CYRIA: variants seen among roughly 807,000 people sequenced by gnomAD.
The protein encoded by CYRIA is CYFIP related Rac1 interactor A.
A neutral mutation model predicts 43.9 loss-of-function variants in CYRIA; 15 were observed. The ratio of observed to expected loss-of-function variants is 0.34; its 90% CI spans 0.23 to 0.53. The LOEUF (loss-of-function observed/expected upper bound fraction) is 0.53. Among genes scored for constraint, CYRIA ranks in the 20% least tolerant of loss-of-function variants. The pLI, the probability that CYRIA is intolerant of heterozygous loss-of-function variation, is 0.94. For missense variants in CYRIA, 236 were observed against 394.2 expected, an observed-to-expected ratio of 0.60 and a Z score of 3.40; for synonymous variants, 117 against 136.0, an observed-to-expected ratio of 0.86 and a Z score of 0.97.
At chr2:16,577,923 C>T (rs1408267040) in intron 3 of CYRIA, among the ~76,000 whole-genome samples, 1 of 152,166 alleles carries the variant, frequency 6.6e-6, no homozygotes, top group Non-Finnish European at 1.5e-5. Context: ...GGGAAGGTGC[C>T]CTCTAGGGCC....
chr2:16,613,974 T>G (rs902211906), intron 2 of CYRIA, among the ~76,000 whole-genome samples: 2 of 152,198 alleles, frequency 1.3e-5, no homozygotes, highest in African/African-American at 4.8e-5. Context: ...CTCCAGCCCC[T>G]TCAACTAGTT....
chr2:16,604,450 C>T (rs1351634007), intron 2 of CYRIA, among the ~76,000 whole-genome samples: 1 of 152,162 alleles, frequency 6.6e-6, no homozygotes, highest in East Asian at 1.9e-4. Context: ...AGGAAGGGGC[C>T]CAGCCCTGAC....
chr2:16,593,716 G>GTTTTT (rs1668012009), intron 2 of CYRIA, among the ~76,000 whole-genome samples: 3 of 87,150 alleles, frequency 3.4e-5, no homozygotes, highest in African/African-American at 7.9e-5. Flanking sequence ...TTGTGTGTGT[G>GTTTTT]TGTTTTTTTT....
intron 2 of CYRIA, among the ~76,000 whole-genome samples, chr2:16,600,265 C>T (rs926784140): frequency 6.6e-6 from 1 of 152,240 alleles, no homozygotes; most frequent in African/African-American, 2.4e-5. Flanking sequence ...TGGCTGCCCA[C>T]TCCAGTCCTA....
chr2:16,642,517 C>A (rs1669704395), intron 1 of CYRIA, among the ~76,000 whole-genome samples: 1 of 152,182 alleles, frequency 6.6e-6, no homozygotes, highest in Non-Finnish European at 1.5e-5. Flanking sequence ...CAGTTCCACC[C>A]CTGACACCCT....
At chr2:16,635,838 C>T (rs768436556) in intron 1 of CYRIA, among the ~76,000 whole-genome samples, 7 of 152,214 alleles carry the variant, frequency 4.6e-5, no homozygotes, top group Non-Finnish European at 8.8e-5. Flanking sequence ...CAAAAACACA[C>T]AGCAGGCAAC....
intron 1 of CYRIA, among the ~76,000 whole-genome samples, chr2:16,659,996 C>T (rs1471088108): frequency 6.6e-6 from 1 of 152,020 alleles, no homozygotes; most frequent in Admixed American, 6.6e-5. Flanking sequence ...GATGCTCAGC[C>T]AGAAAGTGGC....
intron 2 of CYRIA, among the ~76,000 whole-genome samples, chr2:16,598,981 A>G (rs369100360): frequency 1.3e-3 from 68 of 52,868 alleles, no homozygotes; most frequent in East Asian, 5.3e-3. Flanking sequence ...GTCTGTTGGA[A>G]TACCCTGCCG....
intron 1 of CYRIA, among the ~76,000 whole-genome samples, chr2:16,659,992 C>T (rs557275775): frequency 6.6e-6 from 1 of 152,096 alleles, no homozygotes; most frequent in Non-Finnish European, 1.5e-5. Flanking sequence ...TCAGGATGCT[C>T]AGCCAGAAAG....
intron 2 of CYRIA, among the ~76,000 whole-genome samples, chr2:16,615,418 T>C (rs985037352): frequency 6.6e-6 from 1 of 152,198 alleles, no homozygotes; most frequent in Non-Finnish European, 1.5e-5. Context: ...TTAGTTCCAC[T>C]TGCACAAATG....
intron 2 of CYRIA, among the ~76,000 whole-genome samples, chr2:16,612,908 C>G (rs181558511): frequency 1.3e-5 from 2 of 152,174 alleles, no homozygotes; most frequent in African/African-American, 2.4e-5. Flanking sequence ...CACTTCCCCC[C>G]CATACTGTTC....
At chr2:16,582,696 AT>A (rs1448604666) in intron 3 of CYRIA, among the ~76,000 whole-genome samples, 3 of 152,114 alleles carry the variant, frequency 2.0e-5, no homozygotes, top group African/African-American at 7.2e-5. Flanking sequence ...TCAGTACTTC[AT>A]TTTTTTAATT....
At chr2:16,651,587 G>A (rs1669978228) in intron 1 of CYRIA, among the ~76,000 whole-genome samples, 1 of 152,158 alleles carries the variant, frequency 6.6e-6, no homozygotes, top group Non-Finnish European at 1.5e-5. Context: ...GTCACGCCCT[G>A]CAATTTATAC....
rs556162720 is a variant in CYRIA at position 16,615,314 on chromosome 2, A to G, written c.-11+8550T>C. Among the ~76,000 whole-genome samples, 168 of 152,310 alleles carry G rather than the reference A, an allele frequency of 1.1e-3. 4 individuals carry two copies. The South Asian group carries it at 0.034, about 31-fold the overall frequency. On this transcript the variant is annotated intron_variant, in intron 2 of 11. Coordinates refer to ENST00000381323, the MANE Select transcript of CYRIA (RefSeq NM_030797.4). ...ATCCCCTTCTCTTCTGCCTCCCCCA[A>G]GTAACCAGTGGTCGTTTTAGGATTG...
At chr2:16,636,860 C>T (rs925761615) in intron 1 of CYRIA, among the ~76,000 whole-genome samples, 3 of 152,074 alleles carry the variant, frequency 2.0e-5, no homozygotes, top group African/African-American at 7.2e-5. Context: ...CCTGTAGTTC[C>T]AGCTACTAGG....
intron 3 of CYRIA, among the ~76,000 whole-genome samples, chr2:16,585,543 C>T (rs1325429739): frequency 6.6e-6 from 1 of 152,078 alleles, no homozygotes; most frequent in Non-Finnish European, 1.5e-5. Flanking sequence ...CTATATCTTC[C>T]TTAAATACTA....
At chr2:16,601,226 T>A (rs1668194692) in intron 2 of CYRIA, among the ~76,000 whole-genome samples, 1 of 151,736 alleles carries the variant, frequency 6.6e-6, no homozygotes, top group Admixed American at 6.6e-5. Flanking sequence ...TCTGGAAGAG[T>A]TTGCTCGATA....
At chr2:16,632,587 G>A (rs1669357718) in intron 1 of CYRIA, among the ~76,000 whole-genome samples, 1 of 152,158 alleles carries the variant, frequency 6.6e-6, no homozygotes, top group Non-Finnish European at 1.5e-5. Context: ...ATACTCTGAG[G>A]TTGGTCATCC....
intron 1 of CYRIA, 80 bp downstream of exon 1, chr2:16,665,700 G>A (rs1670373770): frequency 6.8e-6 from 1 of 147,790 alleles, no homozygotes; most frequent in African/African-American, 2.5e-5. Flanking sequence ...GGTGCCCCGC[G>A]GTGCCCCGTG....
Sources: allele counts gnomAD v4.1 joint callset (sites outside exome capture counted in the v4.1 genomes callset), GRCh38; gene constraint gnomAD v4.1.1; transcripts MANE v1.5; gene names NCBI Gene and HGNC (gene_info 2026-07-23, HGNC 2026-07-21).